PPARGC1A: variants seen among roughly 807,000 people sequenced by gnomAD.
PPARGC1A encodes the protein PPARG coactivator 1 alpha.
Under a neutral mutation model 88.7 loss-of-function variants are expected in PPARGC1A, and 25 were observed. The observed-to-expected ratio is 0.28, with a 90% CI of 0.21 to 0.39. The LOEUF is 0.39. Ranked by LOEUF, PPARGC1A falls within the 10% of genes least tolerant of loss-of-function variation. PPARGC1A has a pLI of 1.00. For missense variants in PPARGC1A, 880 were observed against 968.7 expected (o/e 0.91, Z 1.22); for synonymous variants, 363 against 355.6 (o/e 1.02, Z -0.24).
chr4:24,290,029 A>G, the PPARGC1A span, among the ~76,000 whole-genome samples: 1 of 152,164 alleles, frequency 6.6e-6, no homozygotes, highest in Non-Finnish European at 1.5e-5. Flanking sequence ...ACTCCCATTT[A>G]TGAAACCATC....
the PPARGC1A span, among the ~76,000 whole-genome samples, chr4:24,115,651 G>A: frequency 1.3e-5 from 2 of 152,134 alleles, no homozygotes; most frequent in Admixed American, 6.6e-5. Context: ...CCAGTAAAAT[G>A]AGAACTCCAT....
the PPARGC1A span, among the ~76,000 whole-genome samples, chr4:23,930,455 G>A: frequency 7.1e-3 from 1,085 of 152,192 alleles, 12 homozygotes; most frequent in African/African-American, 0.024. Context: ...ACTTCAACAC[G>A]GTTCTCTAAT....
chr4:24,441,805 G>T, the PPARGC1A span, among the ~76,000 whole-genome samples: 3 of 152,246 alleles, frequency 2.0e-5, 1 homozygote, highest in Non-Finnish European at 4.4e-5. Flanking sequence ...AAGGGAGGCA[G>T]AAACTCTGAG....
At chr4:24,197,963 G>A in the PPARGC1A span, among the ~76,000 whole-genome samples, 1 of 152,162 alleles carries the variant, frequency 6.6e-6, no homozygotes, top group Non-Finnish European at 1.5e-5. Flanking sequence ...AAAGTACTCT[G>A]GGATCTCTTT....
the PPARGC1A span, among the ~76,000 whole-genome samples, chr4:23,997,662 A>T: frequency 6.6e-6 from 1 of 151,824 alleles, no homozygotes. Context: ...CCACCACACC[A>T]GGCTAAGTTT....
the PPARGC1A span, among the ~76,000 whole-genome samples, chr4:24,208,682 A>AAAAAAAAAT: frequency 6.7e-5 from 9 of 134,996 alleles, no homozygotes; most frequent in South Asian, 4.7e-4. Flanking sequence ...TCAGAAAAAA[A>AAAAAAAAAT]ATATATATAT....
At chr4:23,900,005 G>C (rs1010653355), upstream of PPARGC1A, among the ~76,000 whole-genome samples, 1 of 78,986 alleles carries the variant, frequency 1.3e-5, no homozygotes, top group Non-Finnish European at 2.6e-5. Context: ...GAAGTTTGCT[G>C]CCTGTCCAAA....
At chr4:24,360,648 G>C in the PPARGC1A span, among the ~76,000 whole-genome samples, 1 of 152,204 alleles carries the variant, frequency 6.6e-6, no homozygotes, top group Non-Finnish European at 1.5e-5. Context: ...AAGCAATGCA[G>C]TGCTGGGAGA....
At chr4:24,035,028 T>G in the PPARGC1A span, among the ~76,000 whole-genome samples, 1 of 152,150 alleles carries the variant, frequency 6.6e-6, no homozygotes, top group Non-Finnish European at 1.5e-5. Flanking sequence ...TTTTTCAGAT[T>G]GTAATCTCCA....
the PPARGC1A span, among the ~76,000 whole-genome samples, chr4:24,295,732 C>T: frequency 1.1e-3 from 163 of 149,684 alleles, no homozygotes; most frequent in Middle Eastern, 7.1e-3. Flanking sequence ...TTATATGCTA[C>T]ATTATATATA....
chr4:24,006,867 C>T, the PPARGC1A span, among the ~76,000 whole-genome samples: 1 of 152,158 alleles, frequency 6.6e-6, no homozygotes, highest in African/African-American at 2.4e-5. Context: ...CAGCACCAAC[C>T]CACATAGACT....
At chr4:24,059,625 G>A in the PPARGC1A span, among the ~76,000 whole-genome samples, 1 of 152,186 alleles carries the variant, frequency 6.6e-6, no homozygotes. Context: ...GAGCACAGCT[G>A]TGTCTATCAC....
chr4:24,130,092 T>C, the PPARGC1A span, among the ~76,000 whole-genome samples: 1 of 152,258 alleles, frequency 6.6e-6, no homozygotes, highest in East Asian at 1.9e-4. Flanking sequence ...GGCAAATGTA[T>C]ACATATGTAA....
chr4:24,201,282 GA>G, the PPARGC1A span, among the ~76,000 whole-genome samples: 1 of 152,190 alleles, frequency 6.6e-6, no homozygotes, highest in Non-Finnish European at 1.5e-5. Flanking sequence ...CTGCAGAAAA[GA>G]ACCTTAAACA....
At chr4:24,157,615 A>G in the PPARGC1A span, among the ~76,000 whole-genome samples, 48 of 152,190 alleles carry the variant, frequency 3.2e-4, no homozygotes, top group Admixed American at 2.9e-3. Flanking sequence ...CTAACTCAAT[A>G]AACAGCATGC....
chr4:24,286,996 G>T, the PPARGC1A span, among the ~76,000 whole-genome samples: 1 of 152,134 alleles, frequency 6.6e-6, no homozygotes, highest in Non-Finnish European at 1.5e-5. Flanking sequence ...ACCCCAGGAT[G>T]GAGATCAGTC....
chr4:24,105,512 G>T, the PPARGC1A span, among the ~76,000 whole-genome samples: 1 of 152,124 alleles, frequency 6.6e-6, no homozygotes, highest in African/African-American at 2.4e-5. Flanking sequence ...AAATCTTCCT[G>T]TTCACACAGA....
chr4:23,813,846 G>T lies in PPARGC1A; in HGVS notation c.1637C>A (p.Pro546Gln). 1 of 1,614,030 alleles carries T rather than the reference G, an allele frequency of 6.2e-7. No individual in the cohort carries two copies. The highest frequency in any genetic ancestry group is 8.5e-7 in the Non-Finnish European group (1 of 1,179,938). ...GGGTGGTGACACAGAATCTCTACAT[G>T]GAGAGTTAAAAGAAGAACAAGAAGG... Reference protein sequence around the residue: ...VSPSCSSFNSPCRDSVSPPKS... With the variant: ...VSPSCSSFNSQCRDSVSPPKS... The change falls in exon 8 of 13, where the codon CCA becomes CAA. Residue 546 changes from proline (P) to glutamine (Q), a missense_variant. Pro to Gln is a moderately conservative substitution (Grantham distance 76). Transcript: ENST00000264867.
the PPARGC1A span, among the ~76,000 whole-genome samples, chr4:23,998,177 G>A: frequency 3.1e-4 from 47 of 152,176 alleles, no homozygotes; most frequent in Non-Finnish European, 5.9e-4. Context: ...GGAATTCAAA[G>A]GGAATTTGCA....
Sources: allele counts gnomAD v4.1 joint callset (sites outside exome capture counted in the v4.1 genomes callset), GRCh38; gene constraint gnomAD v4.1.1; transcripts MANE v1.5; gene names NCBI Gene and HGNC (gene_info 2026-07-23, HGNC 2026-07-21).